The following DUS2 variants were observed in gnomAD, a reference collection of about 807,000 sequenced individuals.
DUS2 encodes tRNA-dihydrouridine(20) synthase [NAD(P)+]-like.
Under a neutral mutation model 71.3 loss-of-function variants are expected in DUS2, and 52 were observed. The observed-to-expected ratio is 0.73, with a 90% CI of 0.58 to 0.92. DUS2 has a LOEUF of 0.92. DUS2 is among the 40% of genes least tolerant of loss of function. The pLI is 0.00. For missense variants in DUS2, 558 were observed against 622.6 expected (o/e 0.90, Z 1.10); for synonymous variants, 204 against 227.8 (o/e 0.90, Z 0.94).
intron 15 of DUS2, 152 bp downstream of exon 15, chr16:68,076,871 C>T (rs943128441): frequency 5.0e-4 from 269 of 541,426 alleles, no homozygotes; most frequent in Non-Finnish European, 1.1e-4. Flanking sequence ...ATAGCCCTCC[C>T]CTCTTACAGT....
Position 68,074,136 on chromosome 16 carries a change from C to T in DUS2, c.913C>T (p.Gln305Ter), listed in dbSNP as rs2034125391. Residue 305 changes from glutamine to a stop codon, truncating the protein, a stop_gained, in exon 13 of 17, where the codon CAG becomes TAG. Coordinates refer to ENST00000565263, the MANE Select transcript of DUS2 (RefSeq NM_017803.5). LOFTEE classifies it high-confidence loss of function. ...SPQGRLLHAA[Q>*]SSREICEAFG... Reference sequence around the variant, plus strand: ...CCAGGGAAGGTTGCTCCATGCTGCCCAGTCTTCCCGGGAAATTTGGTAAGA... The same window carrying T: ...CCAGGGAAGGTTGCTCCATGCTGCCTAGTCTTCCCGGGAAATTTGGTAAGA... 2.5e-6 allele frequency: 4 copies of T among 1,614,070 alleles called. No individual in the cohort carries two copies. Among genetic ancestry groups the T allele is most frequent in the Non-Finnish European group, 3.4e-6 (4 of 1,180,018 alleles).
At chr16:68,041,773 G>A (rs1341093916) in intron 3 of DUS2, among the ~76,000 whole-genome samples, 1 of 147,340 alleles carries the variant, frequency 6.8e-6, no homozygotes, top group African/African-American at 2.5e-5. Flanking sequence ...GTGCGCCATT[G>A]CACTCCAGCC....
At position 68,072,446 on chromosome 16, in the gene DUS2, G is replaced by C. The variant is rs556966075; in HGVS notation, c.810+1338G>C. ...TGAGCTTGCTCACTGGGTGAAAGGT[G>C]ATATTATCATTCCTGCTGAGCCATC... On this transcript the variant is annotated intron_variant, in intron 12 of 16. Transcript: ENST00000565263. Among the ~76,000 whole-genome samples the C allele has an allele frequency of 2.0e-5, 3 of 152,332 alleles. No homozygotes were observed. The South Asian group carries it at 6.2e-4, about 32-fold the overall frequency.
At chr16:68,043,293 C>T (rs1028484783) in intron 3 of DUS2, among the ~76,000 whole-genome samples, 1 of 152,084 alleles carries the variant, frequency 6.6e-6, no homozygotes, top group East Asian at 1.9e-4. Flanking sequence ...GTAATCCCAG[C>T]TACTGGGGAG....
At chr16:68,042,501 G>C (rs946203251) in intron 3 of DUS2, among the ~76,000 whole-genome samples, 2 of 151,920 alleles carry the variant, frequency 1.3e-5, no homozygotes, top group African/African-American at 4.8e-5. Flanking sequence ...CAAAGCTTCC[G>C]GTTTCTCTAC....
rs1221427257 is a variant in DUS2 at position 68,078,523 on chromosome 16, G to A, written c.1244+5G>A. 1 of 1,613,742 alleles carries A rather than the reference G, an allele frequency of 6.2e-7. No individual in the cohort carries two copies. Among genetic ancestry groups the A allele is most frequent in the African/African-American group, 1.3e-5 (1 of 75,064 alleles). ...AAAGTATCAGTCTACCTTGTGGTAA[G>A]TTTCCTTATCATAGGAGAGGAGGCT... On this transcript the variant is annotated splice_donor_5th_base_variant and intron_variant, in intron 16 of 16. Coordinates refer to ENST00000565263, the MANE Select transcript of DUS2 (RefSeq NM_017803.5).
chr16:68,039,024 C>T (rs990821038), intron 3 of DUS2, among the ~76,000 whole-genome samples: 1 of 151,718 alleles, frequency 6.6e-6, no homozygotes, highest in Non-Finnish European at 1.5e-5. Context: ...CGTAGTGAGA[C>T]CCTGTCTCTA....
At chr16:68,035,222 C>T (rs1223861869) in intron 2 of DUS2, among the ~76,000 whole-genome samples, 2 of 151,950 alleles carry the variant, frequency 1.3e-5, no homozygotes, top group East Asian at 1.9e-4. Context: ...TCTGTGCCCC[C>T]GGATAGTCCA....
At chr16:68,037,436 A>G (rs1212973923) in intron 2 of DUS2, among the ~76,000 whole-genome samples, 7 of 111,818 alleles carry the variant, frequency 6.3e-5, no homozygotes, top group Middle Eastern at 5.5e-3. Context: ...TTTTTTTTTG[A>G]GATGGAGTCT....
intron 2 of DUS2, among the ~76,000 whole-genome samples, chr16:68,036,031 CTG>C (rs913602694): frequency 6.7e-6 from 1 of 149,588 alleles, no homozygotes; most frequent in African/African-American, 2.5e-5. Flanking sequence ...GAGTTTTCCT[CTG>C]TTGCTCAGGC....
chr16:68,054,934 T>TAAAAATA (rs2033830789), intron 6 of DUS2, among the ~76,000 whole-genome samples: 3 of 152,074 alleles, frequency 2.0e-5, no homozygotes, highest in Admixed American at 2.0e-4. Flanking sequence ...TCCCAGCTAC[T>TAAAAATA]CAGGAGGCTG....
intron 6 of DUS2, among the ~76,000 whole-genome samples, chr16:68,055,358 G>A (rs1567476935): frequency 6.6e-6 from 1 of 152,064 alleles, no homozygotes; most frequent in African/African-American, 2.4e-5. Context: ...GAAGACTGAC[G>A]TGGAAGGATC....
chr16:68,076,598 G>GGGTGACCCC (rs759076845), intron 14 of DUS2, 34 bp from the exon 15 acceptor site: 2 of 1,552,684 alleles, frequency 1.3e-6, no homozygotes, highest in Non-Finnish European at 1.8e-6. Context: ...CGGTGATGGT[G>GGGTGACCCC]GGTGACCCCA....
At chr16:68,049,586 C>A in intron 4 of DUS2, 36 bp downstream of exon 4, 1 of 1,604,606 alleles carries the variant, frequency 6.2e-7, no homozygotes, top group Non-Finnish European at 8.5e-7. Flanking sequence ...TATGCATATG[C>A]CCTGCTGGGC....
chr16:68,070,046 G>T, intron 10 of DUS2, 88 bp from the exon 11 acceptor site: 4 of 1,189,496 alleles, frequency 3.4e-6, no homozygotes, highest in Non-Finnish European at 3.8e-6. Flanking sequence ...CAGTGGGGAG[G>T]ACAGTAAGGT....
chr16:68,065,364 G>C (rs1238865363), intron 8 of DUS2, among the ~76,000 whole-genome samples: 1 of 145,326 alleles, frequency 6.9e-6, no homozygotes, highest in Non-Finnish European at 1.5e-5. Flanking sequence ...GAAAGAAGCT[G>C]TCTGCCCCCC....
chr16:68,063,777 G>A (rs944892723), intron 8 of DUS2, among the ~76,000 whole-genome samples: 2 of 152,072 alleles, frequency 1.3e-5, no homozygotes, highest in African/African-American at 2.4e-5. Flanking sequence ...AGGCTGGAGT[G>A]CAGTGGTGCG....
chr16:68,064,540 T>G (rs1567479537), intron 8 of DUS2, among the ~76,000 whole-genome samples: 1 of 152,262 alleles, frequency 6.6e-6, no homozygotes, highest in East Asian at 1.9e-4. Flanking sequence ...GGATTCTAAG[T>G]GAGCACTTGT....
chr16:68,030,682 A>G (rs926056208), intron 2 of DUS2, among the ~76,000 whole-genome samples: 8 of 152,266 alleles, frequency 5.3e-5, no homozygotes, highest in Non-Finnish European at 8.8e-5. Context: ...CATGTTTTGC[A>G]TATGTATATA....
Sources: gnomAD v4.1 joint callset for allele counts (sites outside exome capture counted in the v4.1 genomes callset) on GRCh38, gnomAD v4.1.1 for gene constraint, MANE v1.5 for transcripts, NCBI Gene and HGNC (gene_info 2026-07-23, HGNC 2026-07-21) for gene names.